Variants in KCNQ1 observed in about 807,000 individuals in gnomAD.
KCNQ1 encodes the protein potassium voltage-gated channel subfamily Q member 1, also known as potassium voltage-gated channel subfamily KQT member 1.
KCNQ1 carries 49 observed loss-of-function variants against 72.4 expected under a neutral mutation model. The ratio of observed to expected loss-of-function variants is 0.68; its 90% CI spans 0.54 to 0.86. KCNQ1 has a LOEUF of 0.86. Ranked by LOEUF, KCNQ1 falls within the 40% of genes least tolerant of loss-of-function variation. The pLI is 0.00. For missense variants in KCNQ1, 790 were observed against 945.1 expected, an observed-to-expected ratio of 0.84 and a Z score of 2.15; for synonymous variants, 450 against 412.6, an observed-to-expected ratio of 1.09 and a Z score of -1.10.
chr11:2,584,881 C>T (rs758788493), intron 7 of KCNQ1, among the ~76,000 whole-genome samples: 3 of 152,152 alleles, frequency 2.0e-5, no homozygotes, highest in Non-Finnish European at 4.4e-5. Flanking sequence ...CACTTGCGAC[C>T]CCAATCCCAG....
chr11:2,586,449 C>T (rs149043737), intron 8 of KCNQ1, among the ~76,000 whole-genome samples: 4 of 152,218 alleles, frequency 2.6e-5, no homozygotes, highest in Non-Finnish European at 4.4e-5. Context: ...GCATGCTGGC[C>T]GCCCACGCCT....
chr11:2,548,198 G>T (rs1253538229), intron 2 of KCNQ1, among the ~76,000 whole-genome samples: 1 of 152,216 alleles, frequency 6.6e-6, no homozygotes, highest in East Asian at 1.9e-4. Context: ...AGGTCCCAGG[G>T]TCATGCGTGT....
At position 2,674,740 on chromosome 11, in the gene KCNQ1, C is replaced by T. The variant is rs1170179814; in HGVS notation, c.1514+12659C>T. On this transcript the variant is annotated intron_variant, in intron 11 of 15. Coordinates refer to ENST00000155840, the MANE Select transcript of KCNQ1 (RefSeq NM_000218.3). This position sits in a 1 kb window ranked among gnomAD's most constrained non-coding sequence, Gnocchi z 5.9. ...TTCTGAACTTAACTCGTTAAAGTTG[C>T]TCCAATCCCAGCCCAGTGCCAGACC... 5.0e-6 allele frequency: 2 copies of T among 397,474 alleles called. No homozygotes were observed. Among genetic ancestry groups the T allele is most frequent in the Non-Finnish European group, 8.9e-6 (2 of 225,962 alleles). The allele number at this position is 397,474 out of a possible 1,614,324, so 24.6% of individuals were successfully genotyped here.
chr11:2,773,868 G>T (rs181377355), intron 12 of KCNQ1, among the ~76,000 whole-genome samples: 1 of 115,302 alleles, frequency 8.7e-6, no homozygotes. Flanking sequence ...ATGCTAACAG[G>T]GCTCAGCAAC....
In KCNQ1 at chr11:2,698,046, ATC is replaced by A; in HGVS notation, c.1514+35967_1514+35968del. On this transcript the variant is annotated intron_variant, in intron 11 of 15. Coordinates refer to ENST00000155840, the MANE Select transcript of KCNQ1 (RefSeq NM_000218.3). This position sits in a 1 kb window ranked among gnomAD's most constrained non-coding sequence, Gnocchi z 5.1. ...ATGGATCATTTGAGACACCATAGAA[ATC>A]TGGTTAATCCTGCCTGCCTGCTTTC... The A allele has an allele frequency of 5.0e-6, 2 of 398,636 alleles. No individual in the cohort carries two copies. 24.7% of individuals were successfully genotyped at this position (398,636 alleles called of 1,614,324 possible).
chr11:2,648,210 G>GT, intron 10 of KCNQ1: 1 of 397,768 alleles, frequency 2.5e-6, no homozygotes, highest in Non-Finnish European at 4.4e-6. Context: ...GTCTCGGGGG[G>GT]TGGGGGGGAG....
At chr11:2,680,623 A>G (rs1036818498) in intron 11 of KCNQ1, 2 of 398,618 alleles carry the variant, frequency 5.0e-6, no homozygotes, top group African/African-American at 4.1e-5. Flanking sequence ...ACTGTAGTAC[A>G]ATATTCTGAC....
chr11:2,542,847 C>T (rs1847850783), intron 2 of KCNQ1, among the ~76,000 whole-genome samples: 1 of 152,150 alleles, frequency 6.6e-6, no homozygotes, highest in Admixed American at 6.5e-5. Flanking sequence ...TGTGTGCTGG[C>T]GGACTCTGTA....
At position 2,657,823 on chromosome 11, in the gene KCNQ1, T is replaced by C. The variant is rs1590011701; in HGVS notation, c.1394-4138T>C. 3.3e-5 allele frequency: 13 copies of C among 398,646 alleles called. No individual in the cohort carries two copies. In the East Asian group the frequency reaches 4.6e-4, roughly 14 times the overall value. 24.7% of individuals were successfully genotyped at this position (398,646 alleles called of 1,614,324 possible). A position where few individuals can be genotyped will look rare whatever the true frequency, so the allele number is the denominator to read the frequency against. On this transcript the variant is annotated intron_variant, in intron 10 of 15. Transcript: ENST00000155840. This position sits in a 1 kb window ranked among gnomAD's most constrained non-coding sequence, Gnocchi z 4.8. ...GTGTCATTGTCCCTCAGTTTGGATT[T>C]GTCTGGTGTTTTCTCAGGACTAGAC...
chr11:2,527,951 T>C lies in KCNQ1; in HGVS notation c.410T>C (p.Leu137Pro), dbSNP rs1228742593. 6.2e-7 allele frequency: 1 copy of C among 1,614,110 alleles called. No individual in the cohort carries two copies. The highest frequency in any genetic ancestry group is 1.7e-5 in the Admixed American group (1 of 60,026). The change falls in exon 2 of 16, where the codon CTC (leucine) becomes CCC (proline). Residue 137 changes from leucine to proline, a missense_variant. Physicochemically the swap from Leu to Pro is moderately conservative, Grantham distance 98. Coordinates refer to ENST00000155840, the MANE Select transcript of KCNQ1 (RefSeq NM_000218.3). ...AGCTTCCTCATCGTCCTGGTCTGCC[T>C]CATCTTCAGCGTGCTGTCCACCATC... ...FAVFLIVLVC[L>P]IFSVLSTIEQ...
At position 2,688,436 on chromosome 11, in the gene KCNQ1, C is replaced by T. The variant is rs889053003; in HGVS notation, c.1514+26355C>T. 1.6e-4 allele frequency: 62 copies of T among 398,664 alleles called. No individual in the cohort carries two copies. The Middle Eastern group carries it at 1.9e-3, about 12-fold the overall frequency. 24.7% of individuals were successfully genotyped at this position (398,664 alleles called of 1,614,324 possible). On this transcript the variant is annotated intron_variant, in intron 11 of 15. Transcript: ENST00000155840. ...GTAGGCACTGGGCCCCAGCCCCTGCCTGTGCCATCACTATTTCACAGGAGA... is the reference window on the plus strand; with the variant it reads ...GTAGGCACTGGGCCCCAGCCCCTGCTTGTGCCATCACTATTTCACAGGAGA...
chr11:2,492,271 T>C lies in KCNQ1; in HGVS notation c.387-35657T>C, dbSNP rs1414169523. Among the ~76,000 whole-genome samples the C allele has an allele frequency of 6.6e-6, 1 of 152,182 alleles. No individual in the cohort carries two copies. The highest frequency in any genetic ancestry group is 1.5e-5 in the Non-Finnish European group (1 of 68,038). ...TGATAAATAATGACTACAACAACTT[T>C]TGCGGTACAATAGGCAGTACAATAA... On this transcript the variant is annotated intron_variant, in intron 1 of 15. Coordinates refer to ENST00000155840, the MANE Select transcript of KCNQ1 (RefSeq NM_000218.3). This position sits in a 1 kb window ranked among gnomAD's most constrained non-coding sequence, Gnocchi z 4.1.
intron 15 of KCNQ1, among the ~76,000 whole-genome samples, chr11:2,829,342 C>T (rs534457109): frequency 1.3e-5 from 2 of 152,218 alleles, no homozygotes; most frequent in Admixed American, 6.5e-5. Flanking sequence ...GATAGACTGC[C>T]AGTATTCTCA....
In KCNQ1 at chr11:2,724,072, G is replaced by A. The variant is rs983195255; in HGVS notation, c.1515-44772G>A. Among the ~76,000 whole-genome samples the A allele has an allele frequency of 1.3e-5, 2 of 152,274 alleles. No homozygotes were observed. The highest frequency in any genetic ancestry group is 2.4e-5 in the African/African-American group (1 of 41,554). ...CACCACCTCTGCACACAGCCCCTCC[G>A]GTGGTGCCTGGGGGCCCAGGCTTTT... On this transcript the variant is annotated intron_variant, in intron 11 of 15. Coordinates refer to ENST00000155840, the MANE Select transcript of KCNQ1 (RefSeq NM_000218.3). The surrounding 1 kb of genome is among the most constrained non-coding windows in gnomAD (Gnocchi z 6.8).
intron 1 of KCNQ1, chr11:2,461,307 G>A (rs981706713): frequency 1.3e-5 from 10 of 778,394 alleles, no homozygotes; most frequent in East Asian, 6.5e-5. Context: ...AGGCCGCCTC[G>A]CAGCAGATTT....
intron 6 of KCNQ1, among the ~76,000 whole-genome samples, chr11:2,578,252 T>C (rs1311196377): frequency 6.6e-6 from 1 of 152,136 alleles, no homozygotes; most frequent in Non-Finnish European, 1.5e-5. Flanking sequence ...GCTGGGGCTT[T>C]GCCTGAGGCC....
intron 10 of KCNQ1, chr11:2,632,373 A>G (rs899314068): frequency 7.5e-6 from 3 of 398,154 alleles, no homozygotes; most frequent in African/African-American, 6.2e-5. Context: ...TCTTTTCCAT[A>G]TTCTTTGGCT....
At chr11:2,844,558 C>CA (rs1848281062) in intron 15 of KCNQ1, among the ~76,000 whole-genome samples, 1 of 152,172 alleles carries the variant, frequency 6.6e-6, no homozygotes, top group East Asian at 1.9e-4. Flanking sequence ...CTCCCGACCC[C>CA]AAAGGTGGCT....
chr11:2,453,735 C>G (rs552203710), intron 1 of KCNQ1, among the ~76,000 whole-genome samples: 3 of 152,224 alleles, frequency 2.0e-5, no homozygotes, highest in Admixed American at 2.0e-4. Flanking sequence ...TGTGACCCAG[C>G]AACCCCCTCC....
Sources: gnomAD v4.1 joint callset for allele counts (sites outside exome capture counted in the v4.1 genomes callset) on GRCh38, gnomAD v4.1.1 for gene constraint, Gnocchi (gnomAD v3.1) non-coding constraint, MANE v1.5 for transcripts, NCBI Gene and HGNC (gene_info 2026-07-23, HGNC 2026-07-21) for gene names.